Variants in GRIN3A observed in about 807,000 individuals in gnomAD.
GRIN3A encodes glutamate receptor ionotropic, NMDA 3A.
Under a neutral mutation model 92.4 loss-of-function variants are expected in GRIN3A, and 47 were observed. The observed-to-expected ratio is 0.51, with a 90% CI of 0.40 to 0.65. The LOEUF is 0.65. Ranked by LOEUF, GRIN3A falls within the 30% of genes least tolerant of loss-of-function variation. GRIN3A has a pLI of 0.00. For synonymous variants in GRIN3A, 527 were observed against 540.6 expected, an observed-to-expected ratio of 0.97 and a Z score of 0.35; for missense variants, 1,324 against 1,393.1, an observed-to-expected ratio of 0.95 and a Z score of 0.79.
chr9:101,695,130 A>G (rs1449401718), intron 1 of GRIN3A, among the ~76,000 whole-genome samples: 2 of 152,218 alleles, frequency 1.3e-5, no homozygotes, highest in African/African-American at 4.8e-5. Flanking sequence ...CAGTACAGTC[A>G]TACCCAGAAA....
At position 101,626,018 on chromosome 9, in the gene GRIN3A, C is replaced by A. The variant is rs191770376; in HGVS notation, c.2498+2238G>T. 4.4e-3 allele frequency among the ~76,000 whole-genome samples: 669 copies of A among 152,218 alleles called. 8 individuals carry two copies. Among genetic ancestry groups the A allele is most frequent in the African/African-American group, 0.013 (551 of 41,544 alleles). Reference sequence around the variant, plus strand: ...AGATAGCTATGATAAATTTCAGTTACGTGAAAAGGCGAAAAGCAGTCAGCT... The same window carrying A: ...AGATAGCTATGATAAATTTCAGTTAAGTGAAAAGGCGAAAAGCAGTCAGCT... On this transcript the variant is annotated intron_variant, in intron 4 of 8. Transcript: ENST00000361820.
chr9:101,677,910 T>G (rs932246469), intron 2 of GRIN3A, among the ~76,000 whole-genome samples: 1 of 152,140 alleles, frequency 6.6e-6, no homozygotes, highest in Admixed American at 6.6e-5. Flanking sequence ...GCAGTTTATT[T>G]ATCTCATCTT....
At chr9:101,704,343 AG>A (rs145573094) in intron 1 of GRIN3A, among the ~76,000 whole-genome samples, 5 of 152,314 alleles carry the variant, frequency 3.3e-5, no homozygotes, top group African/African-American at 4.8e-5. Flanking sequence ...ATTCACTTCC[AG>A]GGTAACTCAT....
chr9:101,729,900 C>T (rs1291245556), intron 1 of GRIN3A, among the ~76,000 whole-genome samples: 1 of 152,142 alleles, frequency 6.6e-6, no homozygotes, highest in Admixed American at 6.6e-5. Context: ...ACCTATGCAG[C>T]AGGGCACTGG....
At chr9:101,597,139 T>C (rs749384034) in intron 6 of GRIN3A, among the ~76,000 whole-genome samples, 10 of 152,158 alleles carry the variant, frequency 6.6e-5, no homozygotes, top group Non-Finnish European at 1.3e-4. Context: ...AGTTAAGACT[T>C]TGGGGATTTT....
At chr9:101,714,364 T>C (rs1829919062) in intron 1 of GRIN3A, among the ~76,000 whole-genome samples, 1 of 152,080 alleles carries the variant, frequency 6.6e-6, no homozygotes, top group Non-Finnish European at 1.5e-5. Context: ...TTTGGAAACA[T>C]AAAAAGCTTG....
intron 1 of GRIN3A, among the ~76,000 whole-genome samples, chr9:101,691,993 G>A (rs1313281811): frequency 6.6e-6 from 1 of 152,150 alleles, no homozygotes; most frequent in African/African-American, 2.4e-5. Context: ...AGAATGCATG[G>A]AAAGTGCCTG....
chr9:101,681,027 A>C (rs1157075371), intron 2 of GRIN3A, among the ~76,000 whole-genome samples: 1 of 152,208 alleles, frequency 6.6e-6, no homozygotes. Flanking sequence ...TCTTAAAGAA[A>C]AGATAAGTGT....
At chr9:101,636,075 G>A (rs993144262) in intron 3 of GRIN3A, among the ~76,000 whole-genome samples, 1 of 152,086 alleles carries the variant, frequency 6.6e-6, no homozygotes, top group African/African-American at 2.4e-5. Context: ...AAGAGAAGAG[G>A]TTTCACCATG....
At position 101,703,584 on chromosome 9, in the gene GRIN3A, G is replaced by C. The variant is rs563467982; in HGVS notation, c.700-16384C>G. Among the ~76,000 whole-genome samples the C allele has an allele frequency of 4.6e-5, 7 of 152,290 alleles. No homozygotes were observed. The South Asian group carries it at 1.4e-3, about 32-fold the overall frequency. On this transcript the variant is annotated intron_variant, in intron 1 of 8. Coordinates refer to ENST00000361820, the MANE Select transcript of GRIN3A (RefSeq NM_133445.3). ...CTCACTACTAAACTGTAAGTCCCTA[G>C]AGGGTCCAGACATTTGTTCCTCACT...
intron 1 of GRIN3A, among the ~76,000 whole-genome samples, chr9:101,719,337 T>G (rs1588296653): frequency 6.6e-6 from 1 of 151,804 alleles, no homozygotes; most frequent in Admixed American, 6.6e-5. Context: ...GAGAATCGTT[T>G]GAACCTGGGA....
intron 6 of GRIN3A, chr9:101,600,916 T>C (rs1034845478): frequency 3.3e-5 from 5 of 152,230 alleles, no homozygotes; most frequent in African/African-American, 1.2e-4. Flanking sequence ...CATTCAGAGA[T>C]GGTCTTTGCT....
rs915407002 is a variant in GRIN3A, at chr9:101,686,530, A to G, written c.1304+66T>C. ...GTCAAGATTTCTGCAAAGCGGACAG[A>G]TAGGGGAATTTTACTCTCTGTCATG... is the stretch of plus-strand genomic sequence containing the variant. On this transcript the variant is annotated intron_variant, in intron 2 of 8. Transcript: ENST00000361820. The G allele has an allele frequency of 1.1e-5, 17 of 1,569,266 alleles. No homozygotes were observed. In the African/African-American group the frequency reaches 2.0e-4, roughly 19 times the overall value.
chr9:101,686,423 T>A (rs534433730), intron 2 of GRIN3A, among the ~76,000 whole-genome samples, 173 bp downstream of exon 2: 1 of 152,232 alleles, frequency 6.6e-6, no homozygotes, highest in East Asian at 1.9e-4. Context: ...TAGATCAAAT[T>A]ACAGATAGCA....
chr9:101,629,187 C>G (rs1419225074), intron 3 of GRIN3A, among the ~76,000 whole-genome samples: 1 of 151,824 alleles, frequency 6.6e-6, no homozygotes, highest in Non-Finnish European at 1.5e-5. Context: ...GCTCATATGG[C>G]AAGTGGAAAA....
chr9:101,618,756 C>G (rs935770595), intron 5 of GRIN3A, among the ~76,000 whole-genome samples: 40 of 151,792 alleles, frequency 2.6e-4, no homozygotes, highest in African/African-American at 9.4e-4. Flanking sequence ...AAAATAAAAC[C>G]TTGAGGGTTT....
chr9:101,624,172 G>A (rs1156448583), intron 4 of GRIN3A, among the ~76,000 whole-genome samples: 1 of 151,938 alleles, frequency 6.6e-6, no homozygotes, highest in Non-Finnish European at 1.5e-5. Context: ...CCTGGATATT[G>A]TTACCATGGA....
At chr9:101,688,965 A>G (rs1039950718) in intron 1 of GRIN3A, among the ~76,000 whole-genome samples, 18 of 152,192 alleles carry the variant, frequency 1.2e-4, no homozygotes, top group Non-Finnish European at 1.2e-4. Context: ...ACAGGATCCA[A>G]TAGGTAGCTC....
At chr9:101,609,996 G>A (rs578089650) in intron 6 of GRIN3A, among the ~76,000 whole-genome samples, 296 of 152,328 alleles carry the variant, frequency 1.9e-3, no homozygotes, top group Non-Finnish European at 2.9e-3. Context: ...ACTGCACCCA[G>A]CCTTGTCTTG....
Sources: gnomAD v4.1 joint callset for allele counts (sites outside exome capture counted in the v4.1 genomes callset) on GRCh38, gnomAD v4.1.1 for gene constraint, MANE v1.5 for transcripts, NCBI Gene and HGNC (gene_info 2026-07-23, HGNC 2026-07-21) for gene names.